The following ECPAS variants were observed in gnomAD, a reference collection of about 807,000 sequenced individuals.
ECPAS encodes Ecm29 proteasome adaptor and scaffold, also known as proteasome adapter and scaffold protein ECM29.
In ECPAS, 70 loss-of-function variants were observed where a neutral mutation model predicts 255.1. The observed-to-expected ratio is 0.27, with a 90% CI of 0.23 to 0.33. The LOEUF is 0.33. Ranked by LOEUF, ECPAS falls within the 10% of genes least tolerant of loss-of-function variation. ECPAS has a pLI of 1.00. For synonymous variants in ECPAS, 784 were observed against 775.0 expected (o/e 1.01, Z -0.19); for missense variants, 1,817 against 2,206.4 (o/e 0.82, Z 3.54).
intron 46 of ECPAS, among the ~76,000 whole-genome samples, chr9:111,368,049 CA>C (rs559294765): frequency 3.5e-5 from 5 of 142,012 alleles, no homozygotes; most frequent in East Asian, 2.7e-4. Flanking sequence ...AAAAAACAAA[CA>C]AAAAAAAAAC....
chr9:111,385,281 T>G (rs1207548188), intron 33 of ECPAS, 56 bp downstream of exon 33: 1 of 874,990 alleles, frequency 1.1e-6, no homozygotes, highest in Non-Finnish European at 1.8e-6. Flanking sequence ...ATAAATATTT[T>G]AATAATTCCA....
rs770744202 is a variant in ECPAS at position 111,422,195 on chromosome 9, A to G, written c.1271T>C (p.Met424Thr). The G allele has an allele frequency of 1.9e-6, 3 of 1,613,164 alleles. No homozygotes were observed. The highest frequency in any genetic ancestry group is 1.7e-6 in the Non-Finnish European group (2 of 1,179,448). ...TATATCCTTAGTGAATAAATGTGGCATCCGACTGCAAAAGAATGTAAAAAT... is the reference window on the plus strand; with the variant it reads ...TATATCCTTAGTGAATAAATGTGGCGTCCGACTGCAAAAGAATGTAAAAAT... ...YSAVGKLSSR[M>T]PHLFTKDIAL... The change falls in exon 14 of 50, where the codon ATG becomes ACG. Residue 424 changes from methionine to threonine, a missense_variant. Transcript: ENST00000684092.
At chr9:111,423,134 A>T in intron 13 of ECPAS, 65 bp downstream of exon 13, 4 of 1,078,224 alleles carry the variant, frequency 3.7e-6, no homozygotes, top group Non-Finnish European at 5.5e-6. Context: ...CGCCATTATT[A>T]AATGCCACAT....
Position 111,389,992 on chromosome 9 carries a change from A to C in ECPAS, c.3271T>G (p.Ser1091Ala). 6.3e-7 allele frequency: 1 copy of C among 1,583,914 alleles called. No individual in the cohort carries two copies. The highest frequency in any genetic ancestry group is 1.1e-5 in the South Asian group (1 of 89,058). The change falls in exon 30 of 50, where the codon TCT (serine) becomes GCT (alanine). Residue 1091 changes from serine to alanine, a missense_variant. Physicochemically the swap from Ser to Ala is moderately conservative, Grantham distance 99. Transcript: ENST00000684092. ...CAGTGATAGCAACTTACCTTCCTAG[A>C]GTTCCACATTGCATGATGGTTGGCT... Reference protein sequence around the residue: ...NLANHHAMWNSRKGAAFGFNV... With the variant: ...NLANHHAMWNARKGAAFGFNV...
intron 45 of ECPAS, 27 bp from the exon 46 acceptor site, chr9:111,369,200 G>GT (rs2098124392): frequency 1.4e-6 from 2 of 1,471,738 alleles, no homozygotes; most frequent in African/African-American, 2.9e-5. Context: ...AAAAGAAAAT[G>GT]TAATATTTTC....
Position 111,418,031 on chromosome 9 carries a change from T to TA in ECPAS, c.1560-26dup, listed in dbSNP as rs762951612. 10 of 1,556,514 alleles carry TA rather than the reference T, an allele frequency of 6.4e-6. 1 individual carries two copies. Among genetic ancestry groups the TA allele is most frequent in the South Asian group, 3.7e-5 (3 of 80,868 alleles). On this transcript the variant is annotated intron_variant, in intron 16 of 49. Coordinates refer to ENST00000684092, the MANE Select transcript of ECPAS (RefSeq NM_001364929.1). ...TCTTTCAGAAAAAGACAAATAAGAA[T>TA]AAAAAATAAATGTCACCAATGGGAA... is the stretch of plus-strand genomic sequence containing the variant.
chr9:111,431,508 A>C (rs1161707182), intron 8 of ECPAS, among the ~76,000 whole-genome samples: 3 of 149,628 alleles, frequency 2.0e-5, no homozygotes, highest in East Asian at 4.0e-4. Context: ...CAGTGAGCCG[A>C]GATTGTGCCA....
At position 111,414,568 on chromosome 9, in the gene ECPAS, A is replaced by G. The variant is rs1420690635; in HGVS notation, c.1848T>C (p.His616=). 7 of 1,613,898 alleles carry G rather than the reference A, an allele frequency of 4.3e-6. No homozygotes were observed. Among genetic ancestry groups the G allele is most frequent in the African/African-American group, 4.0e-5 (3 of 74,940 alleles). The change falls in exon 19 of 50, where the codon CAT becomes CAC. Residue 616 remains histidine (H), a synonymous_variant. Transcript: ENST00000684092. The stretch of plus-strand genomic sequence containing the variant: ...GTATGTAGCGCCCAATGGCTGGGGC[A>G]TGATCCTGCATATCAGCCAAACTCT... ...TSQSLADMQD[H]APAIGRYIRT...
chr9:111,368,942 A>G, intron 46 of ECPAS, 93 bp downstream of exon 46: 1 of 1,243,772 alleles, frequency 8.0e-7, no homozygotes, highest in Non-Finnish European at 1.1e-6. Flanking sequence ...GCTCGATAAG[A>G]AACAATAACT....
intron 48 of ECPAS, among the ~76,000 whole-genome samples, chr9:111,363,985 G>A (rs1034280805): frequency 2.6e-5 from 4 of 152,064 alleles, no homozygotes; most frequent in Non-Finnish European, 2.9e-5. Context: ...TTCGTATCAC[G>A]GATAAGAACG....
At chr9:111,481,646 A>C (rs2098305443) in intron 1 of ECPAS, among the ~76,000 whole-genome samples, 1 of 152,264 alleles carries the variant, frequency 6.6e-6, no homozygotes, top group Non-Finnish European at 1.5e-5. Context: ...GTATCTGTAC[A>C]CCCATGTTCA....
intron 1 of ECPAS, among the ~76,000 whole-genome samples, chr9:111,475,424 G>A (rs1057088737): frequency 6.6e-6 from 1 of 152,140 alleles, no homozygotes; most frequent in Non-Finnish European, 1.5e-5. Context: ...ATAGTTTACT[G>A]AAAGCATAAT....
rs772642512 is a variant in ECPAS, at chr9:111,397,122, C to T, written c.2684G>A (p.Gly895Asp). 8.7e-6 allele frequency: 14 copies of T among 1,613,730 alleles called. No individual in the cohort carries two copies. Among genetic ancestry groups the T allele is most frequent in the Non-Finnish European group, 1.1e-5 (13 of 1,179,810 alleles). ...TATTGCAGCACTGGTAATGGCTTCG[C>T]CAATAGTGAACTGAAGTTCTATCTG... ...AKQIELQFTI[G>D]EAITSAAIGT... The change falls in exon 25 of 50, where the codon GGC (glycine) becomes GAC (aspartate). Residue 895 changes from glycine (G) to aspartate (D), a missense_variant. By Grantham distance (94) the Gly-to-Asp change is moderately conservative. Transcript: ENST00000684092.
chr9:111,448,867 A>G (rs549223887), intron 3 of ECPAS, among the ~76,000 whole-genome samples: 1 of 152,360 alleles, frequency 6.6e-6, no homozygotes, highest in South Asian at 2.1e-4. Flanking sequence ...CAACATAACT[A>G]TTACATATAA....
At position 111,428,105 on chromosome 9, in the gene ECPAS, T is replaced by C. The variant is rs2098224442; in HGVS notation, c.987A>G (p.Leu329=). The part of the protein sequence containing the change: ...KRDPVSTRVK[L]KIVPHLLRSR... ...AGCGGAGGAGATGGGGGACAATCTT[T>C]AACTTGACTCTTGTACTGACAGGGT... is the stretch of plus-strand genomic sequence containing the variant. The change falls in exon 10 of 50, where the codon TTA becomes TTG. Residue 329 remains leucine (L), a synonymous_variant. Transcript: ENST00000684092. 2.5e-6 allele frequency: 4 copies of C among 1,613,384 alleles called. No individual in the cohort carries two copies. The highest frequency in any genetic ancestry group is 1.3e-5 in the African/African-American group (1 of 75,016).
intron 15 of ECPAS, among the ~76,000 whole-genome samples, chr9:111,420,820 C>T (rs1311148808): frequency 6.6e-6 from 1 of 152,184 alleles, no homozygotes; most frequent in African/African-American, 2.4e-5. Context: ...TTCTGGCATT[C>T]TTGCTATTTA....
intron 5 of ECPAS, among the ~76,000 whole-genome samples, chr9:111,440,726 G>A (rs186298985): frequency 6.6e-6 from 1 of 152,242 alleles, no homozygotes; most frequent in East Asian, 1.9e-4. Context: ...ATTGAGTGAT[G>A]ATTAGCATTT....
At chr9:111,434,161 T>C (rs1238722360) in intron 7 of ECPAS, among the ~76,000 whole-genome samples, 4 of 152,038 alleles carry the variant, frequency 2.6e-5, no homozygotes, top group Non-Finnish European at 5.9e-5. Flanking sequence ...GAGAAAAAAA[T>C]GCAACTTAAA....
chr9:111,378,380 G>A (rs890519063), intron 36 of ECPAS, among the ~76,000 whole-genome samples, 200 bp downstream of exon 36: 6 of 152,144 alleles, frequency 3.9e-5, no homozygotes, highest in Non-Finnish European at 5.9e-5. Context: ...TTTTTTAGAT[G>A]GAAGTGTCAG....
Sources: allele counts gnomAD v4.1 joint callset (sites outside exome capture counted in the v4.1 genomes callset), GRCh38; gene constraint gnomAD v4.1.1; transcripts MANE v1.5; gene names NCBI Gene and HGNC (gene_info 2026-07-23, HGNC 2026-07-21).